Variants in GHR observed in about 807,000 individuals in gnomAD.
The protein encoded by GHR is GH receptor.
A neutral mutation model predicts 67.1 loss-of-function variants in GHR; 35 were observed. That is an observed-to-expected ratio of 0.52 (90% CI 0.40 to 0.69). GHR has a LOEUF of 0.69. Among genes scored for constraint, GHR ranks in the 30% least tolerant of loss-of-function variants. GHR has a pLI of 0.00. For synonymous variants in GHR, 272 were observed against 269.1 expected, an observed-to-expected ratio of 1.01 and a Z score of -0.10; for missense variants, 792 against 764.6, an observed-to-expected ratio of 1.04 and a Z score of -0.42.
At chr5:42,508,190 C>G (rs2112255252) in intron 1 of GHR, among the ~76,000 whole-genome samples, 1 of 152,264 alleles carries the variant, frequency 6.6e-6, no homozygotes, top group East Asian at 1.9e-4. Flanking sequence ...TCAGCCTGTC[C>G]CAGCTTCATT....
chr5:42,555,230 T>G (rs1188277710), intron 1 of GHR, among the ~76,000 whole-genome samples: 1 of 152,156 alleles, frequency 6.6e-6, no homozygotes, highest in African/African-American at 2.4e-5. Flanking sequence ...GTAGACCAGG[T>G]GCTATTGGAG....
intron 1 of GHR, among the ~76,000 whole-genome samples, chr5:42,496,177 G>A (rs1458062191): frequency 1.3e-5 from 2 of 152,168 alleles, no homozygotes; most frequent in Non-Finnish European, 1.5e-5. Flanking sequence ...TTTGTGAAGA[G>A]ACACTTTATG....
At chr5:42,676,323 G>A (rs1756573247) in intron 3 of GHR, among the ~76,000 whole-genome samples, 1 of 152,080 alleles carries the variant, frequency 6.6e-6, no homozygotes, top group Non-Finnish European at 1.5e-5. Context: ...GTGAGAACTT[G>A]TGAATTTTTA....
intron 3 of GHR, among the ~76,000 whole-genome samples, chr5:42,668,836 A>G (rs1002804386): frequency 1.3e-5 from 2 of 152,180 alleles, no homozygotes; most frequent in Non-Finnish European, 2.9e-5. Context: ...AATTTAAAAA[A>G]TCATAAGTTA....
At chr5:42,588,930 A>G (rs893808344) in intron 2 of GHR, among the ~76,000 whole-genome samples, 1 of 152,216 alleles carries the variant, frequency 6.6e-6, no homozygotes, top group African/African-American at 2.4e-5. Context: ...TATTTTACTT[A>G]CAACATATTA....
chr5:42,443,137 G>C (rs947478063), intron 1 of GHR, among the ~76,000 whole-genome samples: 3 of 152,178 alleles, frequency 2.0e-5, no homozygotes, highest in Non-Finnish European at 4.4e-5. Flanking sequence ...TTTCTAAAAG[G>C]GGACTGATTG....
At chr5:42,668,749 C>A (rs546015600) in intron 3 of GHR, among the ~76,000 whole-genome samples, 5 of 152,168 alleles carry the variant, frequency 3.3e-5, no homozygotes, top group African/African-American at 1.2e-4. Context: ...CTTGGTCATT[C>A]TCTTTATAAA....
intron 3 of GHR, among the ~76,000 whole-genome samples, chr5:42,674,178 T>G (rs1756455584): frequency 6.6e-6 from 1 of 152,156 alleles, no homozygotes; most frequent in African/African-American, 2.4e-5. Flanking sequence ...TTTTTTACAG[T>G]GAGTTACAAA....
intron 1 of GHR, among the ~76,000 whole-genome samples, chr5:42,491,466 G>C (rs544202356): frequency 6.6e-6 from 1 of 152,250 alleles, no homozygotes; most frequent in Non-Finnish European, 1.5e-5. Context: ...TCCTAAGTAT[G>C]GCCTTGGGCC....
intron 1 of GHR, among the ~76,000 whole-genome samples, chr5:42,457,138 A>G (rs995059727): frequency 3.9e-5 from 6 of 152,096 alleles, no homozygotes; most frequent in South Asian, 2.1e-4. Context: ...TGTGGCCTTC[A>G]TCTTCATGGT....
At chr5:42,709,130 G>A (rs1322398737) in intron 6 of GHR, among the ~76,000 whole-genome samples, 1 of 152,030 alleles carries the variant, frequency 6.6e-6, no homozygotes, top group East Asian at 1.9e-4. Flanking sequence ...AATTTGCTTA[G>A]CAGTGTGCTT....
At chr5:42,674,994 C>T (rs562749011) in intron 3 of GHR, among the ~76,000 whole-genome samples, 1 of 152,276 alleles carries the variant, frequency 6.6e-6, no homozygotes, top group African/African-American at 2.4e-5. Context: ...TATTACTTCA[C>T]ATCCTCTTGC....
chr5:42,642,952 TTC>T (rs1403723215), intron 3 of GHR, among the ~76,000 whole-genome samples: 1 of 152,186 alleles, frequency 6.6e-6, no homozygotes, highest in East Asian at 1.9e-4. Context: ...TTGGTCTCCT[TTC>T]TGTCTCTTTT....
intron 1 of GHR, among the ~76,000 whole-genome samples, chr5:42,521,895 G>C (rs890521964): frequency 6.6e-6 from 1 of 152,126 alleles, no homozygotes; most frequent in African/African-American, 2.4e-5. Context: ...TCTCTTTGCT[G>C]TTTTTAAATA....
chr5:42,424,441 G>A lies in GHR; in HGVS notation c.-12+486G>A. 7 of 650,070 alleles carry A rather than the reference G, an allele frequency of 1.1e-5. No individual in the cohort carries two copies. In the Admixed American group the frequency reaches 1.2e-4, roughly 12 times the overall value. The allele number at this position is 650,070 out of a possible 1,614,324, so 40.3% of individuals were successfully genotyped here. ...GCTGTTGCGCGGGGAAGAATCCCCG[G>A]CAGCGCGACTGGAGAGACTGGGGAG... is the stretch of plus-strand genomic sequence containing the variant. On this transcript the variant is annotated intron_variant, in intron 1 of 9. Transcript: ENST00000230882. This position sits in a 1 kb window ranked among gnomAD's most constrained non-coding sequence, Gnocchi z 4.1.
At chr5:42,501,280 A>G (rs1394738372) in intron 1 of GHR, among the ~76,000 whole-genome samples, 1 of 152,228 alleles carries the variant, frequency 6.6e-6, no homozygotes, top group East Asian at 1.9e-4. Flanking sequence ...AGAAGTGTCA[A>G]GCTGTCATGC....
At chr5:42,439,347 G>A (rs978257323) in intron 1 of GHR, among the ~76,000 whole-genome samples, 7 of 152,170 alleles carry the variant, frequency 4.6e-5, no homozygotes, top group African/African-American at 1.4e-4. Flanking sequence ...TCCATGATTT[G>A]AAGAGGAATA....
intron 3 of GHR, among the ~76,000 whole-genome samples, chr5:42,681,007 C>A (rs1480990524): frequency 6.6e-6 from 1 of 151,244 alleles, no homozygotes; most frequent in Non-Finnish European, 1.5e-5. Flanking sequence ...CCATAAAAAC[C>A]CTAGAAGAAA....
chr5:42,644,225 C>A (rs189627190), intron 3 of GHR, among the ~76,000 whole-genome samples: 6 of 152,176 alleles, frequency 3.9e-5, no homozygotes, highest in Admixed American at 1.3e-4. Context: ...AAATAAATAT[C>A]AAATAAATCT....
Sources: gnomAD v4.1 joint callset for allele counts (sites outside exome capture counted in the v4.1 genomes callset) on GRCh38, gnomAD v4.1.1 for gene constraint, Gnocchi (gnomAD v3.1) non-coding constraint, MANE v1.5 for transcripts, NCBI Gene and HGNC (gene_info 2026-07-23, HGNC 2026-07-21) for gene names.